The following WDR7 variants were observed in gnomAD, a reference collection of about 807,000 sequenced individuals.
WDR7 encodes WD repeat-containing protein 7.
In WDR7, 46 loss-of-function variants were observed where a neutral mutation model predicts 169.4. The ratio of observed to expected loss-of-function variants is 0.27; its 90% CI spans 0.21 to 0.35. The LOEUF (loss-of-function observed/expected upper bound fraction) is 0.35, where lower values mean the gene tolerates loss of function less well. Ranked by LOEUF, WDR7 falls within the 10% of genes least tolerant of loss-of-function variation. The pLI is 1.00. For synonymous variants in WDR7, 612 were observed against 666.8 expected, an observed-to-expected ratio of 0.92 and a Z score of 1.27; for missense variants, 1,534 against 1,859.3, an observed-to-expected ratio of 0.83 and a Z score of 3.22.
At chr18:57,010,319 A>T in intron 26 of WDR7, 1 of 979,142 alleles carries the variant, frequency 1.0e-6, no homozygotes. Flanking sequence ...TAAATATTTG[A>T]TAATTTATTC....
intron 21 of WDR7, among the ~76,000 whole-genome samples, chr18:56,914,144 T>C (rs2046591267): frequency 6.6e-6 from 1 of 152,204 alleles, no homozygotes; most frequent in Non-Finnish European, 1.5e-5. Flanking sequence ...ACTGGACGTT[T>C]TGCTGTCCCT....
chr18:56,849,874 T>C (rs2045616892), intron 20 of WDR7, among the ~76,000 whole-genome samples: 1 of 152,182 alleles, frequency 6.6e-6, no homozygotes. Context: ...TGCCTGGCCC[T>C]GTAACTTTTT....
At chr18:56,960,575 A>G (rs2047324969) in intron 25 of WDR7, among the ~76,000 whole-genome samples, 1 of 152,202 alleles carries the variant, frequency 6.6e-6, no homozygotes, top group South Asian at 2.1e-4. Context: ...TAAGACATAC[A>G]TTATTCATGA....
At chr18:56,982,019 G>A (rs150218684) in intron 26 of WDR7, among the ~76,000 whole-genome samples, 13 of 151,928 alleles carry the variant, frequency 8.6e-5, no homozygotes, top group African/African-American at 1.9e-4. Context: ...AAAATACTCC[G>A]CACATTGTAT....
chr18:57,024,317 A>G lies in WDR7; in HGVS notation c.4270-2687A>G, dbSNP rs902456295. 4.6e-5 allele frequency among the ~76,000 whole-genome samples: 7 copies of G among 152,288 alleles called. No homozygotes were observed. The South Asian group carries it at 1.0e-3, about 23-fold the overall frequency. The stretch of plus-strand genomic sequence containing the variant: ...GTATCCAGTCGCTGTTCAAGAAAAC[A>G]TTAATATTGAAAAAATTGTTAGTTG... On this transcript the variant is annotated intron_variant, in intron 27 of 27. Transcript: ENST00000254442.
At chr18:56,977,907 A>C (rs78689708) in intron 26 of WDR7, among the ~76,000 whole-genome samples, 1 of 152,184 alleles carries the variant, frequency 6.6e-6, no homozygotes, top group African/African-American at 2.4e-5. Context: ...TGTTGCTGTA[A>C]TTTATGTAAA....
At chr18:56,770,099 T>C (rs2044129845) in intron 16 of WDR7, among the ~76,000 whole-genome samples, 1 of 152,240 alleles carries the variant, frequency 6.6e-6, no homozygotes, top group Non-Finnish European at 1.5e-5. Context: ...CTTCTCTTTA[T>C]GTTTCTGGAG....
downstream of WDR7, chr18:57,032,828 T>TATATATAC (rs2048449585): frequency 1.0e-5 from 1 of 99,844 alleles, no homozygotes; most frequent in Non-Finnish European, 1.9e-5. Flanking sequence ...TATATATATA[T>TATATATAC]ATATATATAT....
At chr18:56,786,256 C>T (rs916082141) in intron 19 of WDR7, among the ~76,000 whole-genome samples, 4 of 152,090 alleles carry the variant, frequency 2.6e-5, no homozygotes, top group African/African-American at 4.8e-5. Context: ...CCTTACCGGG[C>T]GCAGTGGCTC....
intron 21 of WDR7, among the ~76,000 whole-genome samples, chr18:56,894,367 C>G (rs1476414308): frequency 2.0e-5 from 3 of 152,056 alleles, no homozygotes; most frequent in Non-Finnish European, 2.9e-5. Flanking sequence ...TTTTCTCCTA[C>G]TTTTCACCTT....
At chr18:56,689,932 A>G (rs905811465) in intron 7 of WDR7, among the ~76,000 whole-genome samples, 3 of 152,154 alleles carry the variant, frequency 2.0e-5, no homozygotes, top group African/African-American at 7.2e-5. Context: ...AAATATTATA[A>G]GAAATCATGG....
At chr18:56,769,252 C>G (rs994557934) in intron 16 of WDR7, among the ~76,000 whole-genome samples, 9 of 151,380 alleles carry the variant, frequency 5.9e-5, no homozygotes, top group African/African-American at 2.2e-4. Context: ...CGGAGTCTCA[C>G]TCTCTTGTCC....
At chr18:56,864,213 T>C (rs2045849941) in intron 20 of WDR7, among the ~76,000 whole-genome samples, 1 of 151,714 alleles carries the variant, frequency 6.6e-6, no homozygotes, top group Non-Finnish European at 1.5e-5. Context: ...TTATACAATG[T>C]GTATTTAAAA....
intron 2 of WDR7, among the ~76,000 whole-genome samples, chr18:56,674,760 G>T (rs569023836): frequency 6.6e-6 from 1 of 152,190 alleles, no homozygotes; most frequent in African/African-American, 2.4e-5. Flanking sequence ...AGGTCATGAA[G>T]ATTTATCCCT....
intron 26 of WDR7, among the ~76,000 whole-genome samples, chr18:56,990,395 A>C (rs1291887391): frequency 6.6e-6 from 1 of 152,212 alleles, no homozygotes; most frequent in African/African-American, 2.4e-5. Flanking sequence ...AGTGAGAGCC[A>C]CCTCACTCCA....
At chr18:56,822,485 C>T (rs1320462631) in intron 20 of WDR7, among the ~76,000 whole-genome samples, 1 of 151,944 alleles carries the variant, frequency 6.6e-6, no homozygotes, top group Non-Finnish European at 1.5e-5. Context: ...GGAAATTTAC[C>T]CTGTTAAAGT....
At chr18:56,877,784 A>T (rs1160445186) in intron 20 of WDR7, among the ~76,000 whole-genome samples, 1 of 152,174 alleles carries the variant, frequency 6.6e-6, no homozygotes, top group Non-Finnish European at 1.5e-5. Context: ...TATAATAGAT[A>T]TAAAATTTGA....
intron 20 of WDR7, among the ~76,000 whole-genome samples, chr18:56,873,018 G>A (rs2045974373): frequency 6.6e-6 from 1 of 152,198 alleles, no homozygotes; most frequent in African/African-American, 2.4e-5. Flanking sequence ...TTATAGGAAT[G>A]AGAAATTGCT....
rs1568142088 is a variant in WDR7, at chr18:56,695,129, ATAGT to A, written c.1291_1294del (p.Val431LeufsTer9). Reference sequence around the variant, plus strand: ...TGTTTGTGGTCGTGAAGATGGAAGCATAGTTATTGTACCTGCCACACAGACGGCC... The same window carrying A: ...TGTTTGTGGTCGTGAAGATGGAAGCATATTGTACCTGCCACACAGACGGCC... On this transcript the variant is annotated frameshift_variant, in exon 11 of 28. Transcript: ENST00000254442. LOFTEE classifies it high-confidence loss of function. The A allele has an allele frequency of 6.2e-7, 1 of 1,614,068 alleles. No individual in the cohort carries two copies. The highest frequency in any genetic ancestry group is 8.5e-7 in the Non-Finnish European group (1 of 1,180,040).
Sources: allele counts gnomAD v4.1 joint callset (sites outside exome capture counted in the v4.1 genomes callset), GRCh38; gene constraint gnomAD v4.1.1; transcripts MANE v1.5; gene names NCBI Gene and HGNC (gene_info 2026-07-23, HGNC 2026-07-21).